The following UCN3 variants were observed in gnomAD, a reference collection of about 807,000 sequenced individuals.
UCN3 encodes urocortin-3.
UCN3 carries 3 observed loss-of-function variants against 3.6 expected under a neutral mutation model. The observed-to-expected ratio is 0.83, with a 90% CI of 0.38 to 2.15. The LOEUF (loss-of-function observed/expected upper bound fraction) is 2.15. Among genes scored for constraint, UCN3 ranks in the 30% most tolerant of loss-of-function variants. UCN3 has a pLI of 0.06. For synonymous variants in UCN3, 100 were observed against 93.2 expected (o/e 1.07, Z -0.42); for missense variants, 206 against 208.3 (o/e 0.99, Z 0.07).
At chr10:5,369,887 ATGTG>A (rs782305269) in intron 1 of UCN3, among the ~76,000 whole-genome samples, 1 of 74,096 alleles carries the variant, frequency 1.3e-5, no homozygotes, top group East Asian at 7.1e-4. Flanking sequence ...GTGTGTGTAT[ATGTG>A]TGTGTGTATA....
rs1834103464 is a variant in UCN3 at position 5,365,105 on chromosome 10, A to C, written c.-132A>C. ...ACAGCCCACTTAGGAACAATACCGG[A>C]GAAGCAGGAGCCGAGACCCCGGAGC... On this transcript the variant is annotated 5_prime_UTR_variant, in exon 1 of 2. Transcript: ENST00000380433. The surrounding 1 kb of genome is among the most constrained non-coding windows in gnomAD (Gnocchi z 4.4). The C allele has an allele frequency of 6.6e-6, 1 of 152,374 alleles. No homozygotes were observed. Among genetic ancestry groups the C allele is most frequent in the Non-Finnish European group, 1.5e-5 (1 of 68,182 alleles). The allele number at this position is 152,374 out of a possible 1,614,324, so 9.4% of individuals were successfully genotyped here. A position where few individuals can be genotyped will look rare whatever the true frequency, so the allele number is the denominator to read the frequency against.
chr10:5,370,129 GTA>G lies in UCN3; in HGVS notation c.-6-3584_-6-3583del, dbSNP rs1190601164. Among the ~76,000 whole-genome samples the G allele has an allele frequency of 4.2e-4, 30 of 71,880 alleles. 3 individuals carry two copies. Among genetic ancestry groups the G allele is most frequent in the East Asian group, 1.2e-3 (2 of 1,722 alleles). The allele number at this position is 71,880 out of a possible 152,430, so 47.2% of individuals were successfully genotyped here. A position where few individuals can be genotyped will look rare whatever the true frequency, so the allele number is the denominator to read the frequency against. Reference sequence around the variant, plus strand: ...TGTGTATATGTGTGTGTATGTGTGTGTATGTGTGTGTATGCGTGTGTATATGT... The same window carrying G: ...TGTGTATATGTGTGTGTATGTGTGTGTGTGTGTGTATGCGTGTGTATATGT... On this transcript the variant is annotated intron_variant, in intron 1 of 1. Transcript: ENST00000380433.
Position 5,374,069 on chromosome 10 carries a change from C to A in UCN3, c.349C>A (p.Arg117Ser), listed in dbSNP as rs1419378005. 1 of 1,613,596 alleles carries A rather than the reference C, an allele frequency of 6.2e-7. No homozygotes were observed. The highest frequency in any genetic ancestry group is 2.2e-5 in the East Asian group (1 of 44,854). Residue 117 changes from arginine to serine, a missense_variant, in exon 2 of 2, where the codon CGC becomes AGC. By Grantham distance (110) the Arg-to-Ser change is moderately radical (BLOSUM62 -1). Transcript: ENST00000380433. ...CCAGGACACGGCCAAGAGTCCCCACCGCACCAAGTTCACCCTGTCCCTCGA... is the reference window on the plus strand; with the variant it reads ...CCAGGACACGGCCAAGAGTCCCCACAGCACCAAGTTCACCCTGTCCCTCGA... ...PRQDTAKSPH[R>S]TKFTLSLDVP...
At chr10:5,370,144 CGTGTGTATATGT>C (rs1276358745) in intron 1 of UCN3, among the ~76,000 whole-genome samples, 292 of 8,594 alleles carry the variant, frequency 0.034, 14 homozygotes, top group Non-Finnish European at 0.04. Context: ...TGTGTGTATG[CGTGTGTATATGT>C]GTGTGTATAT....
chr10:5,372,026 C>CG (rs1831435950), intron 1 of UCN3, among the ~76,000 whole-genome samples: 1 of 152,186 alleles, frequency 6.6e-6, no homozygotes, highest in Admixed American at 6.5e-5. Flanking sequence ...ACAGGCATGT[C>CG]GGGGTGTGAG....
chr10:5,370,328 T>TGC (rs1469280958), intron 1 of UCN3, among the ~76,000 whole-genome samples: 4 of 78,112 alleles, frequency 5.1e-5, no homozygotes, highest in Admixed American at 1.4e-4. Flanking sequence ...TGTGTGTATA[T>TGC]GCGTGTGTAT....
Position 5,365,360 on chromosome 10 carries a change from G to A in UCN3, c.-7+130G>A, listed in dbSNP as rs1480180632. ...CGCCCCTGGGTGGAAGCCCAAGGGA[G>A]CGATGCTGAACGCCCCCCACCCAAT... On this transcript the variant is annotated intron_variant, in intron 1 of 1. Coordinates refer to ENST00000380433, the MANE Select transcript of UCN3 (RefSeq NM_053049.4). The surrounding 1 kb of genome is among the most constrained non-coding windows in gnomAD (Gnocchi z 4.4). 1 of 152,378 alleles carries A rather than the reference G, an allele frequency of 6.6e-6. No homozygotes were observed. The highest frequency in any genetic ancestry group is 1.5e-5 in the Non-Finnish European group (1 of 68,168). The allele number at this position is 152,378 out of a possible 1,614,324, so 9.4% of individuals were successfully genotyped here.
At position 5,369,987 on chromosome 10, in the gene UCN3, A is replaced by ATGTGTGTATGTG. The variant is rs1294869866; in HGVS notation, c.-6-3710_-6-3699dup. Among the ~76,000 whole-genome samples the ATGTGTGTATGTG allele has an allele frequency of 1.4e-3, 24 of 17,324 alleles. 8 individuals carry two copies. The highest frequency in any genetic ancestry group is 6.5e-3 in the South Asian group (2 of 308). The allele number at this position is 17,324 out of a possible 152,430, so 11.4% of individuals were successfully genotyped here. On this transcript the variant is annotated intron_variant, in intron 1 of 1. Transcript: ENST00000380433. ...TATGCGTGTGTATATGCGTGTGTAT[A>ATGTGTGTATGTG]TGTGTGTATGTGTGTGTGTATGTGT...
intron 1 of UCN3, among the ~76,000 whole-genome samples, chr10:5,368,912 A>T (rs1831292478): frequency 6.6e-6 from 1 of 152,164 alleles, no homozygotes; most frequent in South Asian, 2.1e-4. Context: ...GGGTCAGAGC[A>T]CGCAGAGCAG....
At chr10:5,372,321 G>C (rs1002774860) in intron 1 of UCN3, among the ~76,000 whole-genome samples, 19 of 152,152 alleles carry the variant, frequency 1.2e-4, no homozygotes, top group African/African-American at 4.6e-4. Flanking sequence ...ACGGCCTCTG[G>C]CACAGCTGAT....
intron 1 of UCN3, among the ~76,000 whole-genome samples, chr10:5,370,007 A>ATATGCGTGTGTATATGTGTGTATG (rs1831329463): frequency 5.7e-5 from 2 of 34,962 alleles, no homozygotes; most frequent in African/African-American, 2.9e-4. Flanking sequence ...GTGTGTGTGT[A>ATATGCGTGTGTATATGTGTGTATG]TGTGTGTGTA....
intron 1 of UCN3, among the ~76,000 whole-genome samples, chr10:5,370,293 GTATGCGTGTGTA>G (rs1564442675): frequency 7.9e-5 from 3 of 37,960 alleles, no homozygotes; most frequent in Non-Finnish European, 1.1e-4. Flanking sequence ...ATGCGTGTGT[GTATGCGTGTGTA>G]TATGCGTGTA....
At chr10:5,372,250 GT>G (rs1831440355) in intron 1 of UCN3, among the ~76,000 whole-genome samples, 8 of 152,184 alleles carry the variant, frequency 5.3e-5, no homozygotes, top group African/African-American at 1.9e-4. Flanking sequence ...GGCACAGGAA[GT>G]CAACTCTGCC....
intron 1 of UCN3, among the ~76,000 whole-genome samples, chr10:5,370,883 GCGTGTGTA>G (rs1831409995): frequency 2.3e-5 from 2 of 85,588 alleles, no homozygotes; most frequent in Admixed American, 1.5e-4. Context: ...GTGTGTATAT[GCGTGTGTA>G]TATGCGTGTG....
At chr10:5,371,595 T>C (rs1365372498) in intron 1 of UCN3, among the ~76,000 whole-genome samples, 1 of 152,118 alleles carries the variant, frequency 6.6e-6, no homozygotes, top group Non-Finnish European at 1.5e-5. Flanking sequence ...TTGGGTCCAC[T>C]GCACTCATGT....
At chr10:5,368,579 A>C (rs1283053712) in intron 1 of UCN3, among the ~76,000 whole-genome samples, 3 of 152,168 alleles carry the variant, frequency 2.0e-5, no homozygotes, top group Non-Finnish European at 4.4e-5. Context: ...GAAGGAAGAA[A>C]GGGACAGAGA....
rs1554810690 is a variant in UCN3 at position 5,366,164 on chromosome 10, C to G, written c.-7+934C>G. Among the ~76,000 whole-genome samples, 1 of 152,140 alleles carries G rather than the reference C, an allele frequency of 6.6e-6. No homozygotes were observed. ...TGCCTTTGCTGCTTCATGTCCTGTC[C>G]TCTCCCTGTGAGGTGCTGGGAATTG... is the stretch of plus-strand genomic sequence containing the variant. On this transcript the variant is annotated intron_variant, in intron 1 of 1. Coordinates refer to ENST00000380433, the MANE Select transcript of UCN3 (RefSeq NM_053049.4). This position sits in a 1 kb window ranked among gnomAD's most constrained non-coding sequence, Gnocchi z 4.2.
At chr10:5,370,481 ATGTGTGTATG>A (rs1418710817) in intron 1 of UCN3, among the ~76,000 whole-genome samples, 1 of 21,700 alleles carries the variant, frequency 4.6e-5, no homozygotes, top group East Asian at 2.3e-3. Context: ...GCGTGTGTAT[ATGTGTGTATG>A]TGTGTGTATA....
At position 5,373,724 on chromosome 10, in the gene UCN3, C is replaced by G; in HGVS notation, c.4C>G (p.Leu2Val). The G allele has an allele frequency of 6.2e-7, 1 of 1,613,306 alleles. No individual in the cohort carries two copies. The highest frequency in any genetic ancestry group is 1.7e-4 in the Middle Eastern group (1 of 6,056). ...CTCTTTTCTGCTGCAGGGAGAGATG[C>G]TGATGCCGGTCCACTTCCTGCTGCT... MLMPVHFLLLLL... is the reference protein window; with the variant it reads MVMPVHFLLLLL... The change falls in exon 2 of 2, where the codon CTG becomes GTG. Residue 2 changes from leucine (L) to valine (V), a missense_variant. Transcript: ENST00000380433.
Sources: allele counts gnomAD v4.1 joint callset (sites outside exome capture counted in the v4.1 genomes callset), GRCh38; gene constraint gnomAD v4.1.1; non-coding constraint Gnocchi (gnomAD v3.1); transcripts MANE v1.5; gene names NCBI Gene and HGNC (gene_info 2026-07-23, HGNC 2026-07-21).